Variants in GRID1 observed in about 807,000 individuals in gnomAD.
GRID1 encodes glutamate ionotropic receptor delta type subunit 1, also known as glutamate receptor ionotropic, delta-1.
Under a neutral mutation model 98.0 loss-of-function variants are expected in GRID1, and 28 were observed. That is an observed-to-expected ratio of 0.29 (90% confidence interval 0.21 to 0.39). The LOEUF (loss-of-function observed/expected upper bound fraction) is 0.39. GRID1 is among the 10% of genes least tolerant of loss of function. GRID1 has a pLI of 1.00. For missense variants in GRID1, 1,111 were observed against 1,340.5 expected (o/e 0.83, Z 2.67); for synonymous variants, 553 against 538.5 (o/e 1.03, Z -0.37).
rs1842195825 is a variant in GRID1 at position 85,766,157 on chromosome 10, A to G, written c.1234-36543T>C. 2.0e-5 allele frequency among the ~76,000 whole-genome samples: 3 copies of G among 152,294 alleles called. No individual in the cohort carries two copies. The Middle Eastern group carries it at 0.01, about 518-fold the overall frequency. ...CATGGAAAAATCTTCCAAATCTTCC[A>G]CCTCACAAAAGAAACTTGGAAGGGT... On this transcript the variant is annotated intron_variant, in intron 8 of 15. Coordinates refer to ENST00000327946, the MANE Select transcript of GRID1 (RefSeq NM_017551.3).
chr10:85,605,930 TCTGAGCTGGATGA>T (rs890764527), intron 15 of GRID1: 1 of 152,202 alleles, frequency 6.6e-6, no homozygotes, highest in African/African-American at 2.4e-5. Flanking sequence ...GAGGGAAGTC[TCTGAGCTGGATGA>T]CTTCACCACT....
chr10:85,687,549 G>A (rs996995584), intron 12 of GRID1, among the ~76,000 whole-genome samples: 6 of 152,092 alleles, frequency 3.9e-5, no homozygotes, highest in African/African-American at 1.4e-4. Context: ...AGGGTTGCTG[G>A]AGCCCAGGAG....
chr10:86,114,304 T>A (rs940692252), intron 4 of GRID1, among the ~76,000 whole-genome samples: 5 of 151,970 alleles, frequency 3.3e-5, no homozygotes, highest in Non-Finnish European at 7.4e-5. Context: ...AACCTTGTGG[T>A]CTATGCTTTC....
intron 14 of GRID1, among the ~76,000 whole-genome samples, chr10:85,616,938 C>T (rs766415902): frequency 1.3e-5 from 2 of 152,174 alleles, no homozygotes; most frequent in Admixed American, 6.5e-5. Flanking sequence ...CAACTGCATG[C>T]TGTGGTCTGC....
chr10:86,089,895 C>T (rs1375901698), intron 4 of GRID1, among the ~76,000 whole-genome samples: 8 of 152,072 alleles, frequency 5.3e-5, no homozygotes, highest in African/African-American at 1.9e-4. Flanking sequence ...TGCAGGCACA[C>T]GCCACCACAC....
At chr10:85,603,644 C>T (rs1669048619) in intron 15 of GRID1, among the ~76,000 whole-genome samples, 3 of 152,232 alleles carry the variant, frequency 2.0e-5, no homozygotes, top group Admixed American at 1.3e-4. Flanking sequence ...TCCTTGGCTT[C>T]CCCGCTGTGA....
At chr10:85,890,573 T>C (rs1841185570) in intron 5 of GRID1, among the ~76,000 whole-genome samples, 1 of 152,216 alleles carries the variant, frequency 6.6e-6, no homozygotes, top group Non-Finnish European at 1.5e-5. Context: ...AAATTCTCAC[T>C]GTGCCTCCAA....
At chr10:86,251,251 T>G (rs1330684288) in intron 2 of GRID1, among the ~76,000 whole-genome samples, 1 of 151,938 alleles carries the variant, frequency 6.6e-6, no homozygotes, top group East Asian at 1.9e-4. Context: ...CCAGAGACCT[T>G]TCTTCACATG....
chr10:85,647,285 T>C lies in GRID1; in HGVS notation c.2110A>G (p.Thr704Ala). Residue 704 changes from threonine (T) to alanine (A), a missense_variant, in exon 13 of 16, where the codon ACG becomes GCG. By Grantham distance (58) the Thr-to-Ala change is moderately conservative (BLOSUM62 0). Coordinates refer to ENST00000327946, the MANE Select transcript of GRID1 (RefSeq NM_017551.3). ...ATGGTCCGCCAGAGTTCAGCAAACG[T>C]GCTGTCCTGCTCCAGGGGGTTGGTG... ...KGTNPLEQDSTFAELWRTISK... is the reference protein window; with the variant it reads ...KGTNPLEQDSAFAELWRTISK... The C allele has an allele frequency of 6.2e-7, 1 of 1,614,198 alleles. No homozygotes were observed. The highest frequency in any genetic ancestry group is 8.5e-7 in the Non-Finnish European group (1 of 1,180,010).
chr10:86,267,260 A>G (rs1003071510), intron 2 of GRID1, among the ~76,000 whole-genome samples: 2 of 152,256 alleles, frequency 1.3e-5, no homozygotes, highest in Non-Finnish European at 2.9e-5. Context: ...AAAGTCATGT[A>G]GCCATCAATG....
intron 3 of GRID1, among the ~76,000 whole-genome samples, chr10:86,185,376 T>A (rs1207182863): frequency 1.3e-5 from 2 of 152,168 alleles, no homozygotes; most frequent in Non-Finnish European, 2.9e-5. Context: ...TTTCTGTAGA[T>A]CCCACTAAAT....
At chr10:85,633,346 G>A (rs929488922) in intron 13 of GRID1, among the ~76,000 whole-genome samples, 1 of 152,122 alleles carries the variant, frequency 6.6e-6, no homozygotes, top group Non-Finnish European at 1.5e-5. Flanking sequence ...AGATGGATAC[G>A]AGAGCCAAAT....
At chr10:86,246,245 ACTCCCTGACC>A (rs1246490488) in intron 2 of GRID1, among the ~76,000 whole-genome samples, 2 of 152,030 alleles carry the variant, frequency 1.3e-5, no homozygotes, top group African/African-American at 2.4e-5. Flanking sequence ...CGGCCCTGCC[ACTCCCTGACC>A]CCACTAACCA....
intron 2 of GRID1, among the ~76,000 whole-genome samples, chr10:86,212,073 C>T (rs1204513031): frequency 6.6e-6 from 1 of 152,232 alleles, no homozygotes; most frequent in Non-Finnish European, 1.5e-5. Context: ...GGCGCCATCA[C>T]TAATCCATGC....
intron 4 of GRID1, among the ~76,000 whole-genome samples, chr10:85,998,710 C>T (rs11599184): frequency 2.6e-5 from 4 of 152,166 alleles, no homozygotes; most frequent in African/African-American, 9.6e-5. Flanking sequence ...AAAACTGATT[C>T]TTTGAAAACA....
intron 12 of GRID1, among the ~76,000 whole-genome samples, chr10:85,655,283 A>T (rs1335494765): frequency 6.6e-6 from 1 of 152,118 alleles, no homozygotes; most frequent in Non-Finnish European, 1.5e-5. Flanking sequence ...GAAAGAGTGG[A>T]TCCATGCCCA....
At chr10:86,333,945 C>A (rs1455800696) in intron 2 of GRID1, among the ~76,000 whole-genome samples, 1 of 152,180 alleles carries the variant, frequency 6.6e-6, no homozygotes, top group East Asian at 1.9e-4. Context: ...TAAGGGTCAA[C>A]TGCATAGCTG....
intron 8 of GRID1, among the ~76,000 whole-genome samples, chr10:85,794,061 G>T (rs997662132): frequency 6.6e-6 from 1 of 152,156 alleles, no homozygotes; most frequent in Non-Finnish European, 1.5e-5. Context: ...CCTTCAAGAA[G>T]CATCTCCTTG....
At chr10:85,673,830 T>A (rs1841114464) in intron 12 of GRID1, among the ~76,000 whole-genome samples, 1 of 152,234 alleles carries the variant, frequency 6.6e-6, no homozygotes, top group Non-Finnish European at 1.5e-5. Context: ...ATCACTCTTC[T>A]CGATTAATAG....
Sources: gnomAD v4.1 joint callset for allele counts (sites outside exome capture counted in the v4.1 genomes callset) on GRCh38, gnomAD v4.1.1 for gene constraint, MANE v1.5 for transcripts, NCBI Gene and HGNC (gene_info 2026-07-23, HGNC 2026-07-21) for gene names.